Variants in CACNA2D3 observed in about 807,000 individuals in gnomAD.
The protein encoded by CACNA2D3 is voltage-dependent calcium channel subunit alpha-2/delta-3.
CACNA2D3 carries 60 observed loss-of-function variants against 160.6 expected under a neutral mutation model. The observed-to-expected ratio is 0.37, with a 90% CI of 0.30 to 0.46. The LOEUF is 0.46. Among genes scored for constraint, CACNA2D3 ranks in the 20% least tolerant of loss-of-function variants. CACNA2D3 has a pLI of 1.00. For missense variants in CACNA2D3, 1,205 were observed against 1,365.0 expected, an observed-to-expected ratio of 0.88 and a Z score of 1.85; for synonymous variants, 558 against 492.9, an observed-to-expected ratio of 1.13 and a Z score of -1.75.
At chr3:54,252,521 T>C (rs1702213028) in intron 2 of CACNA2D3, among the ~76,000 whole-genome samples, 1 of 152,210 alleles carries the variant, frequency 6.6e-6, no homozygotes, top group South Asian at 2.1e-4. Context: ...CCAGTGATTA[T>C]GTCACTAGGA....
At chr3:54,346,192 G>A (rs1247957263) in intron 3 of CACNA2D3, among the ~76,000 whole-genome samples, 7 of 152,136 alleles carry the variant, frequency 4.6e-5, no homozygotes, top group African/African-American at 1.2e-4. Context: ...CGAGATGACC[G>A]TAAAACATGG....
At chr3:54,384,716 A>G (rs1411691211) in intron 3 of CACNA2D3, among the ~76,000 whole-genome samples, 3 of 152,032 alleles carry the variant, frequency 2.0e-5, no homozygotes, top group Admixed American at 6.6e-5. Flanking sequence ...GTAGGAATAC[A>G]TAAGTTTTGT....
intron 27 of CACNA2D3, chr3:54,918,946 C>G: frequency 7.1e-7 from 1 of 1,399,660 alleles, no homozygotes; most frequent in Non-Finnish European, 9.4e-7. Context: ...AACAGAGTTC[C>G]AAAATCCTCT....
At chr3:54,575,725 G>A (rs1173971998) in intron 8 of CACNA2D3, among the ~76,000 whole-genome samples, 2 of 152,174 alleles carry the variant, frequency 1.3e-5, no homozygotes, top group East Asian at 3.8e-4. Flanking sequence ...CTCTGTGGTG[G>A]CTTATCAGAA....
intron 2 of CACNA2D3, among the ~76,000 whole-genome samples, chr3:54,126,279 C>T (rs942875575): frequency 2.0e-5 from 3 of 152,140 alleles, no homozygotes. Context: ...ATTGGCCATG[C>T]ATCTATTTTA....
chr3:54,287,994 C>T (rs1024753984), intron 2 of CACNA2D3, among the ~76,000 whole-genome samples: 2 of 151,586 alleles, frequency 1.3e-5, no homozygotes. Context: ...AAAATTGACA[C>T]CCTAACATCA....
At chr3:54,913,782 A>C (rs1700606106) in intron 27 of CACNA2D3, among the ~76,000 whole-genome samples, 2 of 152,192 alleles carry the variant, frequency 1.3e-5, no homozygotes, top group Admixed American at 1.3e-4. Flanking sequence ...GAAGAGTTGC[A>C]TCCAGATTCC....
intron 2 of CACNA2D3, among the ~76,000 whole-genome samples, chr3:54,302,199 C>T (rs1486426512): frequency 6.6e-6 from 1 of 152,174 alleles, no homozygotes; most frequent in African/African-American, 2.4e-5. Flanking sequence ...ATCTTTCAGT[C>T]AAGGCTTCTT....
intron 5 of CACNA2D3, among the ~76,000 whole-genome samples, chr3:54,519,104 C>CATGCCACCTG (rs1244687443): frequency 2.0e-5 from 3 of 152,220 alleles, no homozygotes; most frequent in South Asian, 2.1e-4. Flanking sequence ...TGCCAACTGT[C>CATGCCACCTG]CTCAGTTGAC....
chr3:54,675,380 C>T (rs973342282), intron 11 of CACNA2D3, among the ~76,000 whole-genome samples: 7 of 152,070 alleles, frequency 4.6e-5, no homozygotes, highest in Non-Finnish European at 8.8e-5. Context: ...AACAAAGGAA[C>T]GGCTGGACAG....
intron 11 of CACNA2D3, among the ~76,000 whole-genome samples, chr3:54,744,053 C>T (rs1701702881): frequency 6.6e-6 from 1 of 152,156 alleles, no homozygotes; most frequent in African/African-American, 2.4e-5. Context: ...ATCATAAAAA[C>T]CCAAGGTCCA....
chr3:54,757,039 A>T (rs1195735216), intron 12 of CACNA2D3, among the ~76,000 whole-genome samples: 1 of 152,176 alleles, frequency 6.6e-6, no homozygotes, highest in Non-Finnish European at 1.5e-5. Flanking sequence ...ATGCGTTCAC[A>T]CTATTTCAAA....
intron 35 of CACNA2D3, among the ~76,000 whole-genome samples, chr3:55,027,005 A>G (rs1559467591): frequency 2.0e-5 from 3 of 151,862 alleles, no homozygotes; most frequent in Non-Finnish European, 2.9e-5. Flanking sequence ...ACACACACAC[A>G]CGCACACACG....
intron 2 of CACNA2D3, among the ~76,000 whole-genome samples, chr3:54,206,602 T>C (rs1284178807): frequency 1.3e-5 from 2 of 152,172 alleles, no homozygotes; most frequent in African/African-American, 2.4e-5. Context: ...TGCTAAGCTA[T>C]GTAGCAGCCA....
intron 4 of CACNA2D3, among the ~76,000 whole-genome samples, chr3:54,388,829 C>G (rs1699232412): frequency 6.6e-6 from 1 of 152,144 alleles, no homozygotes; most frequent in Admixed American, 6.5e-5. Context: ...TTATAAGGAC[C>G]TCTTGAGTGC....
intron 35 of CACNA2D3, among the ~76,000 whole-genome samples, chr3:55,029,733 T>C (rs141719343): frequency 2.7e-3 from 418 of 152,370 alleles, no homozygotes; most frequent in Non-Finnish European, 4.8e-3. Context: ...ACAAATTAGA[T>C]ACAGACTTTG....
At chr3:54,206,883 G>C (rs1701285627) in intron 2 of CACNA2D3, among the ~76,000 whole-genome samples, 1 of 152,150 alleles carries the variant, frequency 6.6e-6, no homozygotes, top group African/African-American at 2.4e-5. Context: ...TTTATTTCTT[G>C]GTCATGACTA....
intron 11 of CACNA2D3, among the ~76,000 whole-genome samples, chr3:54,744,855 C>G (rs982293989): frequency 2.0e-5 from 3 of 152,162 alleles, no homozygotes; most frequent in Non-Finnish European, 4.4e-5. Flanking sequence ...TGTTGATCAC[C>G]AATGTGAGGT....
chr3:54,416,021 C>A (rs1699748650), intron 4 of CACNA2D3, among the ~76,000 whole-genome samples: 2 of 151,994 alleles, frequency 1.3e-5, no homozygotes, highest in South Asian at 4.1e-4. Context: ...CCAAAAAAAC[C>A]CCTCTAAATT....
Sources: gnomAD v4.1 joint callset for allele counts (sites outside exome capture counted in the v4.1 genomes callset) on GRCh38, gnomAD v4.1.1 for gene constraint, MANE v1.5 for transcripts, NCBI Gene and HGNC (gene_info 2026-07-23, HGNC 2026-07-21) for gene names.